Variants in CFAP47 observed in about 807,000 individuals in gnomAD.
The protein encoded by CFAP47 is cilia- and flagella-associated protein 47.
Under a neutral mutation model 148.1 loss-of-function variants are expected in CFAP47, and 29 were observed. The observed-to-expected ratio is 0.20, with a 90% CI of 0.15 to 0.27. CFAP47 has a LOEUF of 0.27. Among genes scored for constraint, CFAP47 ranks in the 10% least tolerant of loss-of-function variants. The pLI is 1.00. For missense variants in CFAP47, 1,872 were observed against 1,697.5 expected, an observed-to-expected ratio of 1.10 and a Z score of -1.81; for synonymous variants, 664 against 577.3, an observed-to-expected ratio of 1.15 and a Z score of -2.15.
intron 49 of CFAP47, among the ~76,000 whole-genome samples, chrX:36,269,983 C>T (rs1260456764): frequency 8.9e-6 from 1 of 111,893 alleles, no homozygotes; most frequent in Non-Finnish European, 1.9e-5. Flanking sequence ...GTGCCTAAAT[C>T]AATAGTTTAT....
intron 39 of CFAP47, among the ~76,000 whole-genome samples, chrX:36,166,034 G>T (rs1569277662): frequency 9.0e-6 from 1 of 111,033 alleles, no homozygotes; most frequent in Non-Finnish European, 1.9e-5. Context: ...CAAACAGCAA[G>T]TATATATCTA....
At position 35,973,184 on chromosome X, in the gene CFAP47, C is replaced by CATTT. The variant is rs745981962; in HGVS notation, c.2254+1239_2254+1242dup. On this transcript the variant is annotated intron_variant, in intron 13 of 63. Transcript: ENST00000378653. ...AGAAATGCCTTTTAAATTCTTTACC[C>CATTT]ATTTATTTATTTATTTATTTATTGC... Among the ~76,000 whole-genome samples, 397 of 111,046 alleles carry CATTT rather than the reference C, an allele frequency of 3.6e-3. 2 individuals are homozygous for CATTT. Among genetic ancestry groups the CATTT allele is most frequent in the African/African-American group, 0.012 (357 of 30,532 alleles).
chrX:36,075,484 C>A (rs1386034994), intron 29 of CFAP47, among the ~76,000 whole-genome samples: 1 of 111,765 alleles, frequency 8.9e-6, no homozygotes, highest in Non-Finnish European at 1.9e-5. Flanking sequence ...CCTTGGCATC[C>A]CAAAGTGCTG....
intron 57 of CFAP47, among the ~76,000 whole-genome samples, chrX:36,338,263 G>A (rs1375490262): frequency 1.8e-5 from 2 of 108,916 alleles, no homozygotes; most frequent in African/African-American, 3.3e-5. Flanking sequence ...AAAGTCACAC[G>A]GCTCTTTATC....
intron 42 of CFAP47, among the ~76,000 whole-genome samples, chrX:36,193,444 T>C (rs1471837500): frequency 8.9e-6 from 1 of 111,818 alleles, no homozygotes; most frequent in Non-Finnish European, 1.9e-5. Flanking sequence ...TGATTTATAA[T>C]GGCAAGCCCT....
At chrX:36,215,867 T>C (rs1236269025) in intron 45 of CFAP47, among the ~76,000 whole-genome samples, 1 of 111,803 alleles carries the variant, frequency 8.9e-6, no homozygotes, top group African/African-American at 3.3e-5. Flanking sequence ...TTGAGCCAGA[T>C]GGCCCTCTCC....
intron 39 of CFAP47, among the ~76,000 whole-genome samples, chrX:36,172,070 G>C (rs781207339): frequency 9.2e-6 from 1 of 108,918 alleles, no homozygotes; most frequent in East Asian, 2.9e-4. Context: ...ATTGTGAATG[G>C]GAGTTCACTC....
At chrX:36,236,146 C>G in intron 47 of CFAP47, 69 bp downstream of exon 47, 1 of 364,815 alleles carries the variant, frequency 2.7e-6, no homozygotes, top group Non-Finnish European at 4.8e-6. Flanking sequence ...TAATGTATGA[C>G]ATTAGTCTTT....
intron 42 of CFAP47, among the ~76,000 whole-genome samples, chrX:36,198,413 A>G (rs192948544): frequency 1.6e-4 from 18 of 111,953 alleles, no homozygotes; most frequent in Admixed American, 4.8e-4. Context: ...TTCTTCTTAT[A>G]CAGATGAAGT....
chrX:36,361,298 A>G (rs1941826261), intron 60 of CFAP47, 32 bp from the exon 61 acceptor site: 1 of 857,390 alleles, frequency 1.2e-6, no homozygotes, highest in South Asian at 2.4e-5. Context: ...ATTTAATTAA[A>G]TTGAAATATA....
intron 25 of CFAP47, among the ~76,000 whole-genome samples, chrX:36,041,319 A>G (rs1234743607): frequency 9.0e-6 from 1 of 111,628 alleles, no homozygotes; most frequent in Non-Finnish European, 1.9e-5. Flanking sequence ...AAAGAAAAAA[A>G]TGAGATAATC....
At chrX:35,927,756 G>A (rs1286999439) in intron 2 of CFAP47, among the ~76,000 whole-genome samples, 1 of 110,526 alleles carries the variant, frequency 9.0e-6, no homozygotes, top group Non-Finnish European at 1.9e-5. Flanking sequence ...TATTACAACT[G>A]TATCTACTTC....
chrX:36,121,711 C>G (rs929726273), intron 33 of CFAP47, among the ~76,000 whole-genome samples: 8 of 111,060 alleles, frequency 7.2e-5, no homozygotes, highest in African/African-American at 2.6e-4. Context: ...TTTATTGTTT[C>G]TTTTTATATT....
At chrX:35,966,893 C>CAACT (rs1215430892) in intron 9 of CFAP47, 139 bp downstream of exon 9, 6 of 337,291 alleles carry the variant, frequency 1.8e-5, no homozygotes, top group Non-Finnish European at 2.5e-5. Flanking sequence ...GACCGAGCTG[C>CAACT]AACTATCAGG....
At position 36,099,814 on chromosome X, in the gene CFAP47, G is replaced by A. The variant is rs781508080; in HGVS notation, c.5062G>A (p.Glu1688Lys). Reference sequence around the variant, plus strand: ...TAAGAAAAAATGTTCTATTGTTATAGAAATGTCTAAATTTGAAGCCTGGAG... The same window carrying A: ...TAAGAAAAAATGTTCTATTGTTATAAAAATGTCTAAATTTGAAGCCTGGAG... The part of the protein sequence containing the change: ...TPKKKCSIVI[E>K]MSKFEAWSKR... The change falls in exon 32 of 64, where the codon GAA (glutamate) becomes AAA (lysine). Residue 1688 changes from glutamate to lysine, a missense_variant. Physicochemically the swap from Glu to Lys is moderately conservative, Grantham distance 56. Transcript: ENST00000378653. 1 of 910,987 alleles carries A rather than the reference G, an allele frequency of 1.1e-6. No individual in the cohort carries two copies. Among genetic ancestry groups the A allele is most frequent in the Non-Finnish European group, 1.6e-6 (1 of 624,016 alleles). The allele number at this position is 910,987 out of a possible 1,213,427, so 75.1% of individuals were successfully genotyped here.
chrX:35,980,479 G>A (rs186613637), intron 15 of CFAP47, among the ~76,000 whole-genome samples: 96 of 111,521 alleles, frequency 8.6e-4, no homozygotes, highest in Admixed American at 2.5e-3. Flanking sequence ...AAGCTGTTCC[G>A]TAACCTGACT....
chrX:36,374,742 A>T, intron 62 of CFAP47: 1 of 473,324 alleles, frequency 2.1e-6, no homozygotes, highest in Non-Finnish European at 3.5e-6. Flanking sequence ...ATTTGTCTCA[A>T]TATATTTTTT....
At chrX:36,070,495 C>A in intron 27 of CFAP47, among the ~76,000 whole-genome samples, 1 of 102,890 alleles carries the variant, frequency 9.7e-6, no homozygotes. Context: ...TTTTTCTTTT[C>A]CTTTTTTTTT....
At chrX:35,993,131 A>G (rs1936807076) in intron 17 of CFAP47, 59 bp from the exon 18 acceptor site, 1 of 282,761 alleles carries the variant, frequency 3.5e-6, no homozygotes, top group Non-Finnish European at 6.2e-6. Flanking sequence ...TTCCTATGAA[A>G]GCTTTGAAAC....
Sources: gnomAD v4.1 joint callset for allele counts (sites outside exome capture counted in the v4.1 genomes callset) on GRCh38, gnomAD v4.1.1 for gene constraint, MANE v1.5 for transcripts, NCBI Gene and HGNC (gene_info 2026-07-23, HGNC 2026-07-21) for gene names.